Variants in ZNF691 observed in about 807,000 individuals in gnomAD.
ZNF691 encodes zinc finger protein 691.
In ZNF691, 11 loss-of-function variants were observed where a neutral mutation model predicts 24.1. The observed-to-expected ratio is 0.46, with a 90% CI of 0.29 to 0.75. The LOEUF (loss-of-function observed/expected upper bound fraction) is 0.75. Ranked by LOEUF, ZNF691 falls within the 30% of genes least tolerant of loss-of-function variation. The pLI is 0.11. For missense variants in ZNF691, 356 were observed against 409.0 expected (o/e 0.87, Z 1.12); for synonymous variants, 149 against 153.9 (o/e 0.97, Z 0.23).
At position 42,852,323 on chromosome 1, in the gene ZNF691, A is replaced by T; in HGVS notation, c.*510A>T. On this transcript the variant is annotated 3_prime_UTR_variant, in exon 4 of 4. Transcript: ENST00000651192. ...AAGGGGCCTCCTTGGTCTGGAGAAG[A>T]GATCTGAGGTCCCACCTTAGAAATG... The T allele has an allele frequency of 4.4e-6, 1 of 228,358 alleles. No homozygotes were observed. The highest frequency in any genetic ancestry group is 9.6e-6 in the Non-Finnish European group (1 of 104,494). 14.1% of individuals were successfully genotyped at this position (228,358 alleles called of 1,614,324 possible).
rs539398166 is a variant in ZNF691, at chr1:42,846,640, T to G, written c.-235T>G. The G allele has an allele frequency of 6.6e-6, 1 of 152,436 alleles. No individual in the cohort carries two copies. The highest frequency in any genetic ancestry group is 1.5e-5 in the Non-Finnish European group (1 of 68,230). The allele number at this position is 152,436 out of a possible 1,614,324, so 9.4% of individuals were successfully genotyped here. A position where few individuals can be genotyped will look rare whatever the true frequency, so the allele number is the denominator to read the frequency against. ...CCTACAGAGGCGGCGCTGTCCCTGA[T>G]CGAGCGGCGGGAGCGAGGTGGGTCC... On this transcript the variant is annotated 5_prime_UTR_variant, in exon 1 of 4. Coordinates refer to ENST00000651192, the MANE Select transcript of ZNF691 (RefSeq NM_001242739.2).
At chr1:42,849,454 G>C in intron 2 of ZNF691, 41 bp downstream of exon 2, 1 of 673,966 alleles carries the variant, frequency 1.5e-6, no homozygotes, top group Admixed American at 2.0e-5. Flanking sequence ...TTTAGGCTCA[G>C]AGTGGTTGAA....
chr1:42,850,647 G>T (rs1370474932), intron 3 of ZNF691: 3 of 1,549,444 alleles, frequency 1.9e-6, no homozygotes, highest in East Asian at 2.4e-5. Context: ...AGTCTGGATT[G>T]TCATTGCTTA....
chr1:42,851,632 A>C lies in ZNF691; in HGVS notation c.767A>C (p.Glu256Ala). Residue 256 changes from glutamate to alanine, a missense_variant, in exon 4 of 4, where the codon GAG becomes GCG. Glu to Ala is a moderately radical substitution (Grantham distance 107, BLOSUM62 -1). Coordinates refer to ENST00000651192, the MANE Select transcript of ZNF691 (RefSeq NM_001242739.2). The surrounding 1 kb of genome is among the most constrained non-coding windows in gnomAD (Gnocchi z 4.7). ...ACCCACACAGGTGAGAGACCTTATG[A>C]GTGCACTGAGTGTGGGCGGACCTTC... ...HRTHTGERPY[E>A]CTECGRTFSD... 1 of 1,613,818 alleles carries C rather than the reference A, an allele frequency of 6.2e-7. No homozygotes were observed.
chr1:42,849,441 G>A (rs1423392526), intron 2 of ZNF691, 28 bp downstream of exon 2: 5 of 660,624 alleles, frequency 7.6e-6, no homozygotes, highest in Non-Finnish European at 1.4e-5. Flanking sequence ...AGTGAAGAGG[G>A]AGTTTAGGCT....
At position 42,849,422 on chromosome 1, in the gene ZNF691, C is replaced by G. The variant is rs1478627842; in HGVS notation, c.-95+9C>G. The G allele has an allele frequency of 1.6e-6, 1 of 642,806 alleles. No homozygotes were observed. Among genetic ancestry groups the G allele is most frequent in the East Asian group, 3.1e-5 (1 of 31,912 alleles). The allele number at this position is 642,806 out of a possible 1,614,324, so 39.8% of individuals were successfully genotyped here. ...AAAGTCTTGTAGTGTGGGTAGGTAT[C>G]ACAATTTTAGTGAAGAGGGAGTTTA... On this transcript the variant is annotated intron_variant, in intron 2 of 3. Transcript: ENST00000651192.
At chr1:42,849,085 A>G (rs1300450059) in intron 1 of ZNF691, among the ~76,000 whole-genome samples, 2 of 152,226 alleles carry the variant, frequency 1.3e-5, no homozygotes, top group Non-Finnish European at 2.9e-5. Flanking sequence ...GAATAGTTAC[A>G]GCAGATATCC....
Position 42,851,633 on chromosome 1 carries a change from G to A in ZNF691, c.768G>A (p.Glu256=). Residue 256 remains glutamate, a synonymous_variant, in exon 4 of 4, where the codon GAG becomes GAA. Coordinates refer to ENST00000651192, the MANE Select transcript of ZNF691 (RefSeq NM_001242739.2). The surrounding 1 kb of genome is among the most constrained non-coding windows in gnomAD (Gnocchi z 4.7). ...HRTHTGERPY[E]CTECGRTFSD... is the part of the protein sequence containing the mutation. ...CCCACACAGGTGAGAGACCTTATGAGTGCACTGAGTGTGGGCGGACCTTCA... is the reference window on the plus strand; with the variant it reads ...CCCACACAGGTGAGAGACCTTATGAATGCACTGAGTGTGGGCGGACCTTCA... 1 of 1,614,022 alleles carries A rather than the reference G, an allele frequency of 6.2e-7. No individual in the cohort carries two copies. The highest frequency in any genetic ancestry group is 8.5e-7 in the Non-Finnish European group (1 of 1,180,000).
intron 3 of ZNF691, 110 bp from the exon 4 acceptor site, chr1:42,850,840 A>G (rs1655365579): frequency 6.4e-7 from 1 of 1,569,540 alleles, no homozygotes; most frequent in East Asian, 2.3e-5. Context: ...GTTATTTCTA[A>G]TGGATGGTCC....
In ZNF691 at chr1:42,851,397, G is replaced by C; in HGVS notation, c.532G>C (p.Glu178Gln). The C allele has an allele frequency of 1.9e-6, 3 of 1,614,142 alleles. No homozygotes were observed. The highest frequency in any genetic ancestry group is 2.5e-6 in the Non-Finnish European group (3 of 1,180,036). The change falls in exon 4 of 4, where the codon GAG becomes CAG. Residue 178 changes from glutamate to glutamine, a missense_variant. Physicochemically the swap from Glu to Gln is conservative, Grantham distance 29. Transcript: ENST00000651192. This position sits in a 1 kb window ranked among gnomAD's most constrained non-coding sequence, Gnocchi z 4.7. Reference protein sequence around the residue: ...EKHYKCPKCQESFRRRSDLTT... With the variant: ...EKHYKCPKCQQSFRRRSDLTT... ...ACACTACAAATGCCCCAAGTGCCAG[G>C]AGAGCTTTCGGCGGCGCTCAGACCT...
chr1:42,849,725 C>A lies in ZNF691; in HGVS notation c.67C>A (p.Leu23Ile), dbSNP rs1310405213. ...SLFLQGPEEM[L>I]PLSSEGSEMG... The stretch of plus-strand genomic sequence containing the variant: ...ATTTCTTCAAGGCCCGGAGGAAATG[C>A]TACCACTCTCATCAGAGGTACTTTT... Residue 23 changes from leucine to isoleucine, a missense_variant, in exon 3 of 4, where the codon CTA (leucine) becomes ATA (isoleucine). Leu to Ile is a conservative substitution (Grantham distance 5). Transcript: ENST00000651192. The A allele has an allele frequency of 1.9e-6, 3 of 1,551,112 alleles. No homozygotes were observed. Among genetic ancestry groups the A allele is most frequent in the Non-Finnish European group, 1.7e-6 (2 of 1,147,038 alleles).
In ZNF691 at chr1:42,851,938, TG is replaced by T. The variant is rs1337997704; in HGVS notation, c.*126del. On this transcript the variant is annotated 3_prime_UTR_variant, in exon 4 of 4. Coordinates refer to ENST00000651192, the MANE Select transcript of ZNF691 (RefSeq NM_001242739.2). The surrounding 1 kb of genome is among the most constrained non-coding windows in gnomAD (Gnocchi z 4.7). Reference sequence around the variant, plus strand: ...TTCATCCCACTTTGGAGAATGGTTTTGTATAGCCTCTGAAGTCAGGATCTCA... The same window carrying T: ...TTCATCCCACTTTGGAGAATGGTTTTTATAGCCTCTGAAGTCAGGATCTCA... 7.0e-7 allele frequency: 1 copy of T among 1,419,308 alleles called. No homozygotes were observed. The highest frequency in any genetic ancestry group is 9.7e-7 in the Non-Finnish European group (1 of 1,026,358). 87.9% of individuals were successfully genotyped at this position (1,419,308 alleles called of 1,614,324 possible).
At position 42,852,375 on chromosome 1, in the gene ZNF691, C is replaced by T; in HGVS notation, c.*562C>T. 5.0e-6 allele frequency: 1 copy of T among 200,168 alleles called. No individual in the cohort carries two copies. The highest frequency in any genetic ancestry group is 1.1e-5 in the Non-Finnish European group (1 of 87,272). The allele number at this position is 200,168 out of a possible 1,614,324, so 12.4% of individuals were successfully genotyped here. A position where few individuals can be genotyped will look rare whatever the true frequency, so the allele number is the denominator to read the frequency against. Reference sequence around the variant, plus strand: ...AAGGGAAACCCTCAGGGAGCCATGACCCAGGGACCTTCACACTCCCCCATG... The same window carrying T: ...AAGGGAAACCCTCAGGGAGCCATGATCCAGGGACCTTCACACTCCCCCATG... On this transcript the variant is annotated 3_prime_UTR_variant, in exon 4 of 4. Coordinates refer to ENST00000651192, the MANE Select transcript of ZNF691 (RefSeq NM_001242739.2).
rs562089332 is a variant in ZNF691, at chr1:42,852,035, G to A, written c.*222G>A. ...CCAGGCCAATTTCTCGTGTTGGAAA[G>A]TCAGAAGACCCAGTCTTGGCTTTAC... On this transcript the variant is annotated 3_prime_UTR_variant, in exon 4 of 4. Transcript: ENST00000651192. 1,359 of 733,996 alleles carry A rather than the reference G, an allele frequency of 1.9e-3. 2 individuals are homozygous for A. Among genetic ancestry groups the A allele is most frequent in the Non-Finnish European group, 2.7e-3 (1,110 of 410,856 alleles). 45.5% of individuals were successfully genotyped at this position (733,996 alleles called of 1,614,324 possible).
chr1:42,848,751 TAAA>T (rs1655303672), intron 1 of ZNF691, among the ~76,000 whole-genome samples: 2 of 152,062 alleles, frequency 1.3e-5, no homozygotes, highest in South Asian at 4.2e-4. Flanking sequence ...ATAATAGACA[TAAA>T]GAGAATGTCA....
chr1:42,849,284 T>G lies in ZNF691; in HGVS notation c.-217-7T>G. The stretch of plus-strand genomic sequence containing the variant: ...TTTAAAAGATCTTTTTCTTGTATTC[T>G]TCACAGGGCCTGGACGTAGTGTCTT... On this transcript the variant is annotated splice_polypyrimidine_tract_variant and splice_region_variant and intron_variant, in intron 1 of 3. Coordinates refer to ENST00000651192, the MANE Select transcript of ZNF691 (RefSeq NM_001242739.2). 1 of 426,412 alleles carries G rather than the reference T, an allele frequency of 2.3e-6. No homozygotes were observed. Among genetic ancestry groups the G allele is most frequent in the East Asian group, 6.7e-5 (1 of 14,892 alleles). The allele number at this position is 426,412 out of a possible 1,614,324, so 26.4% of individuals were successfully genotyped here.
At chr1:42,849,524 A>T in intron 2 of ZNF691, 41 bp from the exon 3 acceptor site, 2 of 744,144 alleles carry the variant, frequency 2.7e-6, no homozygotes, top group South Asian at 1.5e-5. Context: ...CCCTAAATGT[A>T]GTCAGTACCC....
chr1:42,852,199 T>C lies in ZNF691; in HGVS notation c.*386T>C, dbSNP rs1278269403. 8.0e-6 allele frequency: 3 copies of C among 373,732 alleles called. No individual in the cohort carries two copies. The East Asian group carries it at 2.2e-4, about 27-fold the overall frequency. The allele number at this position is 373,732 out of a possible 1,614,324, so 23.2% of individuals were successfully genotyped here. A position where few individuals can be genotyped will look rare whatever the true frequency, so the allele number is the denominator to read the frequency against. On this transcript the variant is annotated 3_prime_UTR_variant, in exon 4 of 4. Transcript: ENST00000651192. ...GTTCTCCAAATTGTCTGTGAACTGCTTAGGTAGGAGTGCACTGCAGTTTCC... is the reference window on the plus strand; with the variant it reads ...GTTCTCCAAATTGTCTGTGAACTGCCTAGGTAGGAGTGCACTGCAGTTTCC...
chr1:42,851,724 G>A lies in ZNF691; in HGVS notation c.859G>A (p.Val287Met), dbSNP rs1430646917. The change falls in exon 4 of 4, where the codon GTG becomes ATG. Residue 287 changes from valine (V) to methionine (M), a missense_variant. Coordinates refer to ENST00000651192, the MANE Select transcript of ZNF691 (RefSeq NM_001242739.2). The surrounding 1 kb of genome is among the most constrained non-coding windows in gnomAD (Gnocchi z 4.7). The stretch of plus-strand genomic sequence containing the variant: ...AGGGGAGAAGCCCTACCGGTGCACT[G>A]TGTGTGGGAAACACTTCTCCCGGAG... ...HRGEKPYRCT[V>M]CGKHFSRSSN... The A allele has an allele frequency of 6.2e-7, 1 of 1,614,250 alleles. No individual in the cohort carries two copies. The highest frequency in any genetic ancestry group is 1.7e-5 in the Admixed American group (1 of 60,032).
Sources: allele counts gnomAD v4.1 joint callset (sites outside exome capture counted in the v4.1 genomes callset), GRCh38; gene constraint gnomAD v4.1.1; non-coding constraint Gnocchi (gnomAD v3.1); transcripts MANE v1.5; gene names NCBI Gene and HGNC (gene_info 2026-07-23, HGNC 2026-07-21).